The following GRIK2 variants were observed in gnomAD, a reference collection of about 807,000 sequenced individuals.
GRIK2 encodes the protein glutamate receptor ionotropic, kainate 2.
Under a neutral mutation model 100.3 loss-of-function variants are expected in GRIK2, and 32 were observed. That is an observed-to-expected ratio of 0.32 (90% CI 0.24 to 0.43). The LOEUF is 0.43. Among genes scored for constraint, GRIK2 ranks in the 20% least tolerant of loss-of-function variants. GRIK2 has a pLI of 1.00. For synonymous variants in GRIK2, 417 were observed against 389.4 expected, an observed-to-expected ratio of 1.07 and a Z score of -0.83; for missense variants, 843 against 1,114.9, an observed-to-expected ratio of 0.76 and a Z score of 3.47.
intron 14 of GRIK2, among the ~76,000 whole-genome samples, chr6:102,034,622 C>A (rs979770634): frequency 6.6e-6 from 1 of 151,300 alleles, no homozygotes; most frequent in Non-Finnish European, 1.5e-5. Flanking sequence ...TCTAGTAAAG[C>A]CCTCCTGAGA....
intron 2 of GRIK2, among the ~76,000 whole-genome samples, chr6:101,538,791 A>G (rs1374545148): frequency 1.3e-5 from 2 of 151,716 alleles, no homozygotes; most frequent in African/African-American, 2.4e-5. Context: ...ACAAGGACAA[A>G]TGGGTTCCGA....
rs143688203 is a variant in GRIK2, at chr6:101,584,973, C to T, written c.116-36976C>T. ...ATGTAACTACATATAAGAGAATTCT[C>T]GTTAGTAAACCAGCATTTCTCATTT... On this transcript the variant is annotated intron_variant, in intron 2 of 16. Transcript: ENST00000369134. Among the ~76,000 whole-genome samples, 12 of 152,000 alleles carry T rather than the reference C, an allele frequency of 7.9e-5. No homozygotes were observed. The East Asian group carries it at 1.7e-3, about 22-fold the overall frequency.
In GRIK2 at chr6:102,050,648, T is replaced by TAAAAA. The variant is rs146553452; in HGVS notation, c.2312-4667_2312-4663dup. Among the ~76,000 whole-genome samples the TAAAAA allele has an allele frequency of 4.6e-3, 199 of 43,324 alleles. 1 individual carries two copies. The highest frequency in any genetic ancestry group is 0.018 in the African/African-American group (191 of 10,894). 28.4% of individuals were successfully genotyped at this position (43,324 alleles called of 152,430 possible). On this transcript the variant is annotated intron_variant, in intron 15 of 16. Coordinates refer to ENST00000369134, the MANE Select transcript of GRIK2 (RefSeq NM_021956.5). ...TGGGCGACAAGAGCAAAACTCGGTC[T>TAAAAA]AAAAAAAAAAAAAAAAAAACGGAAT... is the stretch of plus-strand genomic sequence containing the variant.
chr6:101,895,718 A>C (rs1256210921), intron 12 of GRIK2, among the ~76,000 whole-genome samples: 1 of 151,824 alleles, frequency 6.6e-6, no homozygotes, highest in Non-Finnish European at 1.5e-5. Context: ...TTACCAAAAA[A>C]AACGATTTCA....
intron 7 of GRIK2, among the ~76,000 whole-genome samples, chr6:101,720,107 C>G (rs1022978078): frequency 6.6e-6 from 1 of 150,580 alleles, no homozygotes; most frequent in Admixed American, 6.6e-5. Context: ...TTTTCTTTCT[C>G]CCCTGCACCC....
chr6:101,989,055 C>A (rs1009906897), intron 14 of GRIK2, among the ~76,000 whole-genome samples: 1 of 151,916 alleles, frequency 6.6e-6, no homozygotes, highest in South Asian at 2.1e-4. Flanking sequence ...CAATCTTGTT[C>A]TATTATGAAT....
chr6:101,485,049 T>C (rs1772746058), intron 2 of GRIK2, among the ~76,000 whole-genome samples: 1 of 152,194 alleles, frequency 6.6e-6, no homozygotes, highest in South Asian at 2.1e-4. Flanking sequence ...CCTTTGACTT[T>C]ACAAAGTACA....
intron 2 of GRIK2, among the ~76,000 whole-genome samples, chr6:101,553,994 T>G (rs1776627258): frequency 6.6e-6 from 1 of 152,164 alleles, no homozygotes; most frequent in Admixed American, 6.6e-5. Flanking sequence ...TCCCTGTCCA[T>G]AGTTGACTGC....
At chr6:101,642,847 C>A (rs1044148970) in intron 4 of GRIK2, among the ~76,000 whole-genome samples, 3 of 151,556 alleles carry the variant, frequency 2.0e-5, no homozygotes, top group African/African-American at 7.3e-5. Context: ...ATCATTCCTA[C>A]CAACAGTGCA....
intron 7 of GRIK2, among the ~76,000 whole-genome samples, chr6:101,715,077 A>T (rs1454450159): frequency 2.0e-5 from 3 of 151,786 alleles, no homozygotes; most frequent in Admixed American, 6.6e-5. Context: ...CACAAAAAAA[A>T]ATATAGGCTT....
At chr6:101,700,968 G>C (rs1772851782) in intron 7 of GRIK2, among the ~76,000 whole-genome samples, 1 of 152,090 alleles carries the variant, frequency 6.6e-6, no homozygotes, top group Admixed American at 6.6e-5. Flanking sequence ...GAAGACTCTA[G>C]TGCTTTTCAC....
At chr6:101,877,214 G>T (rs1354253546) in intron 11 of GRIK2, among the ~76,000 whole-genome samples, 2 of 151,840 alleles carry the variant, frequency 1.3e-5, no homozygotes, top group Non-Finnish European at 2.9e-5. Context: ...TATGCATATA[G>T]ATGTTTATGA....
intron 4 of GRIK2, among the ~76,000 whole-genome samples, chr6:101,665,880 C>T (rs1317486682): frequency 2.0e-5 from 3 of 152,030 alleles, no homozygotes; most frequent in South Asian, 4.2e-4. Flanking sequence ...TGCTGTTATC[C>T]TACTTAGAGA....
intron 10 of GRIK2, among the ~76,000 whole-genome samples, chr6:101,854,129 G>A (rs1281066847): frequency 1.3e-5 from 2 of 152,150 alleles, no homozygotes; most frequent in Non-Finnish European, 2.9e-5. Context: ...TTGTGAACAT[G>A]TACTGATTTG....
At chr6:101,662,063 C>A (rs1238289098) in intron 4 of GRIK2, among the ~76,000 whole-genome samples, 1 of 152,190 alleles carries the variant, frequency 6.6e-6, no homozygotes. Context: ...AAGGCCCAGG[C>A]AGTAATGTTC....
chr6:101,642,711 T>G (rs1781336584), intron 4 of GRIK2, among the ~76,000 whole-genome samples: 1 of 151,702 alleles, frequency 6.6e-6, no homozygotes, highest in African/African-American at 2.4e-5. Flanking sequence ...TAAACAAATA[T>G]CTCTTTGAGG....
At chr6:101,580,656 C>A (rs927639231) in intron 2 of GRIK2, among the ~76,000 whole-genome samples, 3 of 152,264 alleles carry the variant, frequency 2.0e-5, no homozygotes, top group Middle Eastern at 6.8e-3. Flanking sequence ...AAGGCCCTAA[C>A]TAACCCCCAC....
chr6:102,059,352 G>A (rs953816719), intron 16 of GRIK2, among the ~76,000 whole-genome samples: 1 of 151,288 alleles, frequency 6.6e-6, no homozygotes, highest in East Asian at 1.9e-4. Context: ...TCATCTGAAT[G>A]TGTCTGAAAA....
chr6:101,513,005 ATTATT>A (rs1477704889), intron 2 of GRIK2, among the ~76,000 whole-genome samples: 8 of 151,714 alleles, frequency 5.3e-5, no homozygotes, highest in African/African-American at 1.2e-4. Flanking sequence ...ATTAAATATT[ATTATT>A]TTATTTTTAT....
Sources: allele counts gnomAD v4.1 joint callset (sites outside exome capture counted in the v4.1 genomes callset), GRCh38; gene constraint gnomAD v4.1.1; transcripts MANE v1.5; gene names NCBI Gene and HGNC (gene_info 2026-07-23, HGNC 2026-07-21).